The following TLE3 variants were observed in gnomAD, a reference collection of about 807,000 sequenced individuals.
TLE3 encodes TLE family member 3, transcriptional corepressor, also known as transducin-like enhancer protein 3.
A neutral mutation model predicts 93.0 loss-of-function variants in TLE3; 14 were observed. That is an observed-to-expected ratio of 0.15 (90% confidence interval 0.10 to 0.24). The LOEUF (loss-of-function observed/expected upper bound fraction) is 0.24. Ranked by LOEUF, TLE3 falls within the 10% of genes least tolerant of loss-of-function variation. The pLI is 1.00. For synonymous variants in TLE3, 451 were observed against 425.0 expected (o/e 1.06, Z -0.75); for missense variants, 693 against 1,046.6 (o/e 0.66, Z 4.66).
intron 4 of TLE3, among the ~76,000 whole-genome samples, chr15:70,079,191 C>T (rs1595963089): frequency 2.6e-5 from 4 of 151,962 alleles, no homozygotes. Flanking sequence ...CCCAACACCA[C>T]AAACAAGCAT....
chr15:70,057,994 C>T, intron 12 of TLE3, 165 bp downstream of exon 12: 2 of 1,172,538 alleles, frequency 1.7e-6, no homozygotes, highest in Non-Finnish European at 2.4e-6. Context: ...TCCCAGAAAC[C>T]CTGGTGTCAC....
At chr15:70,096,501 G>A in intron 1 of TLE3, 2 of 1,206,314 alleles carry the variant, frequency 1.7e-6, no homozygotes, top group Non-Finnish European at 2.3e-6. Flanking sequence ...GGCGGGGGCG[G>A]GAGACAAGCC....
Position 70,067,003 on chromosome 15 carries a change from T to C in TLE3, c.373-785A>G, listed in dbSNP as rs543406990. Reference sequence around the variant, plus strand: ...GTAAGATAATGTTTGCAGCAGCTCATGGCGCACAGCTACTAAGCCTCATGG... The same window carrying C: ...GTAAGATAATGTTTGCAGCAGCTCACGGCGCACAGCTACTAAGCCTCATGG... On this transcript the variant is annotated intron_variant, in intron 6 of 19. Coordinates refer to ENST00000451782, the MANE Select transcript of TLE3 (RefSeq NM_001105192.3). 1.3e-4 allele frequency: 30 copies of C among 232,434 alleles called. 1 individual carries two copies. Among genetic ancestry groups the C allele is most frequent in the South Asian group, 1.0e-3 (26 of 25,556 alleles). 14.4% of individuals were successfully genotyped at this position (232,434 alleles called of 1,614,324 possible). A position where few individuals can be genotyped will look rare whatever the true frequency, so the allele number is the denominator to read the frequency against.
At chr15:70,052,597 G>A in intron 17 of TLE3, 73 bp from the exon 18 acceptor site, 3 of 1,515,624 alleles carry the variant, frequency 2.0e-6, no homozygotes, top group Non-Finnish European at 1.8e-6. Context: ...GCTCCCAAAG[G>A]TGCTGCTCAG....
intron 2 of TLE3, 65 bp downstream of exon 2, chr15:70,096,096 G>A: frequency 6.9e-7 from 1 of 1,454,716 alleles, no homozygotes; most frequent in South Asian, 1.2e-5. Flanking sequence ...CGCGGGGGAT[G>A]GCAGGAGCCG....
chr15:70,091,733 T>C (rs895332537), intron 4 of TLE3, among the ~76,000 whole-genome samples: 1 of 152,080 alleles, frequency 6.6e-6, no homozygotes, highest in Non-Finnish European at 1.5e-5. Flanking sequence ...AAAATAAAAA[T>C]GGGCTGGACG....
Position 70,050,164 on chromosome 15 carries a change from G to C in TLE3, c.2243C>G (p.Ala748Gly), listed in dbSNP as rs780171986. ...SSSVLSCDISADDKYIVTGSG... is the reference protein window; with the variant it reads ...SSSVLSCDISGDDKYIVTGSG... ...GCCTGTTACAATGTATTTGTCATCC[G>C]CTGAAATGTCACAACTCAAGACAGA... Residue 748 changes from alanine (A) to glycine (G), a missense_variant, in exon 20 of 20, where the codon GCG becomes GGG. This residue lies in a region of TLE3 where 153 missense variants were observed against 379.9 expected (regional missense o/e 0.40). Coordinates refer to ENST00000451782, the MANE Select transcript of TLE3 (RefSeq NM_001105192.3). 3 of 1,614,074 alleles carry C rather than the reference G, an allele frequency of 1.9e-6. No individual in the cohort carries two copies. Among genetic ancestry groups the C allele is most frequent in the Non-Finnish European group, 2.5e-6 (3 of 1,179,942 alleles).
chr15:70,075,538 C>A (rs184977575), intron 5 of TLE3, among the ~76,000 whole-genome samples: 15 of 152,310 alleles, frequency 9.8e-5, no homozygotes, highest in African/African-American at 3.4e-4. Context: ...GAGGGCAGGG[C>A]CTGCCCTGGC....
intron 4 of TLE3, among the ~76,000 whole-genome samples, chr15:70,081,716 G>A (rs56267294): frequency 0.59 from 90,008 of 152,110 alleles, 27,482 homozygotes; most frequent in South Asian, 0.77. Context: ...TTTCTTCTTC[G>A]GAAAATCAGG....
At chr15:70,081,473 G>A (rs1030719899) in intron 4 of TLE3, among the ~76,000 whole-genome samples, 2 of 152,350 alleles carry the variant, frequency 1.3e-5, no homozygotes, top group South Asian at 2.1e-4. Context: ...GCAAAACTGC[G>A]CTTCACTGTG....
intron 4 of TLE3, among the ~76,000 whole-genome samples, chr15:70,083,787 C>T (rs1019334688): frequency 6.6e-6 from 1 of 151,946 alleles, no homozygotes; most frequent in African/African-American, 2.4e-5. Context: ...CAGGTCAGCA[C>T]TACAAATGAA....
At chr15:70,075,426 A>G (rs2057387808) in intron 5 of TLE3, among the ~76,000 whole-genome samples, 1 of 152,252 alleles carries the variant, frequency 6.6e-6, no homozygotes, top group Non-Finnish European at 1.5e-5. Context: ...CTCCGAGGGC[A>G]TTGCCATATC....
intron 14 of TLE3, chr15:70,055,563 G>GATACGGCGA: frequency 5.0e-6 from 2 of 399,258 alleles, no homozygotes; most frequent in Non-Finnish European, 8.8e-6. Context: ...GTCCTGGAAT[G>GATACGGCGA]CCCTTTCCCA....
chr15:70,089,320 T>A (rs2058190296), intron 4 of TLE3, among the ~76,000 whole-genome samples: 1 of 152,150 alleles, frequency 6.6e-6, no homozygotes, highest in South Asian at 2.1e-4. Context: ...TCTTTAGACA[T>A]CCGACTCCCC....
At chr15:70,096,474 C>A in intron 1 of TLE3, 1 of 1,147,790 alleles carries the variant, frequency 8.7e-7, no homozygotes, top group Middle Eastern at 2.9e-4. Context: ...CACCAAGGGC[C>A]TCCCTCTCCC....
In TLE3 at chr15:70,053,496, A is replaced by G. The variant is rs1246133434; in HGVS notation, c.1827-122T>C. ...AGGCCCAGAAGAGTGCACTATGCGC[A>G]TGGTCCCTTAGCGAGCTTGCAGCAA... is the stretch of plus-strand genomic sequence containing the variant. On this transcript the variant is annotated intron_variant, in intron 16 of 19. Coordinates refer to ENST00000451782, the MANE Select transcript of TLE3 (RefSeq NM_001105192.3). 3 of 1,173,544 alleles carry G rather than the reference A, an allele frequency of 2.6e-6. No homozygotes were observed. The African/African-American group carries it at 4.6e-5, about 18-fold the overall frequency. The allele number at this position is 1,173,544 out of a possible 1,614,324, so 72.7% of individuals were successfully genotyped here. A position where few individuals can be genotyped will look rare whatever the true frequency, so the allele number is the denominator to read the frequency against.
In TLE3 at chr15:70,096,829, G is replaced by A. The variant is rs1227151681; in HGVS notation, c.-31C>T. 2 of 1,608,166 alleles carry A rather than the reference G, an allele frequency of 1.2e-6. No individual in the cohort carries two copies. Among genetic ancestry groups the A allele is most frequent in the Non-Finnish European group, 1.7e-6 (2 of 1,178,408 alleles). On this transcript the variant is annotated 5_prime_UTR_variant, in exon 1 of 20. Coordinates refer to ENST00000451782, the MANE Select transcript of TLE3 (RefSeq NM_001105192.3). ...GGAGGGGTCGTGATTCCGAGAGCGT[G>A]GAAGCGCCGAGAGCCCGGGCCGGGG...
At chr15:70,052,713 T>C in intron 17 of TLE3, 189 bp from the exon 18 acceptor site, 1 of 490,934 alleles carries the variant, frequency 2.0e-6, no homozygotes, top group Non-Finnish European at 3.5e-6. Flanking sequence ...ACATTTTGCA[T>C]TCAGTTACTC....
chr15:70,069,945 T>C (rs2057046642), intron 6 of TLE3, among the ~76,000 whole-genome samples: 1 of 152,252 alleles, frequency 6.6e-6, no homozygotes, highest in Admixed American at 6.5e-5. Context: ...AACACAGTGA[T>C]GTCTGAGTGG....
Sources: allele counts gnomAD v4.1 joint callset (sites outside exome capture counted in the v4.1 genomes callset), GRCh38; gene constraint gnomAD v4.1.1; regional missense constraint gnomAD v4.1.1; transcripts MANE v1.5; gene names NCBI Gene and HGNC (gene_info 2026-07-23, HGNC 2026-07-21).